LPP: variants seen among roughly 807,000 people sequenced by gnomAD.
LPP encodes lipoma-preferred partner.
LPP carries 38 observed loss-of-function variants against 60.4 expected under a neutral mutation model. The observed-to-expected ratio is 0.63, with a 90% CI of 0.49 to 0.83. The LOEUF is 0.83. LPP is among the 40% of genes least tolerant of loss of function. The pLI is 0.00. For missense variants in LPP, 902 were observed against 783.6 expected (o/e 1.15, Z -1.80); for synonymous variants, 328 against 290.8 (o/e 1.13, Z -1.30).
intron 6 of LPP, among the ~76,000 whole-genome samples, chr3:188,597,779 ATTATTGAAAAAACTGATTTCAATAATATG>A (rs1259662249): frequency 6.6e-6 from 1 of 152,180 alleles, no homozygotes; most frequent in Non-Finnish European, 1.5e-5. Flanking sequence ...CCAATAATAC[ATTATTGAAAAAACTGATTTCAATAATATG>A]TTATTGAAAA....
intron 6 of LPP, among the ~76,000 whole-genome samples, chr3:188,545,112 G>T (rs1441067177): frequency 2.0e-5 from 2 of 98,512 alleles, no homozygotes; most frequent in East Asian, 6.9e-4. Flanking sequence ...GGTGGGGTCG[G>T]GGGAGGGGGG....
At chr3:188,466,841 A>ATATAT (rs1560442091) in intron 4 of LPP, among the ~76,000 whole-genome samples, 3 of 138,186 alleles carry the variant, frequency 2.2e-5, no homozygotes, top group Admixed American at 7.2e-5. Flanking sequence ...ATATATATAT[A>ATATAT]TGCTGTGTAA....
At chr3:188,641,584 G>T (rs555037922) in intron 7 of LPP, among the ~76,000 whole-genome samples, 1 of 152,206 alleles carries the variant, frequency 6.6e-6, no homozygotes, top group East Asian at 1.9e-4. Context: ...TGGTCTAATC[G>T]GAGCAGCAGG....
intron 2 of LPP, among the ~76,000 whole-genome samples, chr3:188,295,650 G>A (rs1251410077): frequency 6.6e-6 from 1 of 151,974 alleles, no homozygotes; most frequent in East Asian, 1.9e-4. Context: ...CAATCCTCCC[G>A]CCTCAGCCTC....
intron 2 of LPP, among the ~76,000 whole-genome samples, chr3:188,228,274 A>G (rs1371018388): frequency 6.6e-6 from 1 of 152,202 alleles, no homozygotes; most frequent in Non-Finnish European, 1.5e-5. Flanking sequence ...GGACAGGGAC[A>G]GCATTGCTTG....
chr3:188,829,867 G>C (rs1402308638), intron 9 of LPP, among the ~76,000 whole-genome samples: 1 of 151,970 alleles, frequency 6.6e-6, no homozygotes, highest in African/African-American at 2.4e-5. Flanking sequence ...ACATGGGATA[G>C]TTTGAAGATT....
Position 188,885,299 on chromosome 3 carries a change from G to A in LPP, c.*10820G>A, listed in dbSNP as rs1218371378. ...TGTTTTATGCATTTCCCTCCCTGGAGTGTTATCATCCATCAAGCCAGTATC... is the reference window on the plus strand; with the variant it reads ...TGTTTTATGCATTTCCCTCCCTGGAATGTTATCATCCATCAAGCCAGTATC... On this transcript the variant is annotated 3_prime_UTR_variant, in exon 12 of 12. Transcript: ENST00000617246. The A allele has an allele frequency of 1.5e-5, 3 of 197,312 alleles. 1 individual carries two copies. Among genetic ancestry groups the A allele is most frequent in the South Asian group, 3.8e-4 (2 of 5,208 alleles). The allele number at this position is 197,312 out of a possible 1,614,324, so 12.2% of individuals were successfully genotyped here.
intron 7 of LPP, among the ~76,000 whole-genome samples, chr3:188,648,198 C>T (rs1481570124): frequency 1.3e-5 from 2 of 152,120 alleles, no homozygotes; most frequent in African/African-American, 2.4e-5. Flanking sequence ...TAAACTTTCA[C>T]TAAGTATTAC....
At chr3:188,155,297 T>C (rs1335382861) in intron 1 of LPP, among the ~76,000 whole-genome samples, 1 of 152,210 alleles carries the variant, frequency 6.6e-6, no homozygotes, top group East Asian at 1.9e-4. Flanking sequence ...GGGTCTTCTC[T>C]GGGGCTTTTG....
At chr3:188,593,664 G>A (rs1308040351) in intron 6 of LPP, among the ~76,000 whole-genome samples, 1 of 152,084 alleles carries the variant, frequency 6.6e-6, no homozygotes, top group Non-Finnish European at 1.5e-5. Flanking sequence ...TCATAGCTTA[G>A]CTCCCACATA....
At chr3:188,719,940 T>C (rs1236895290) in intron 8 of LPP, among the ~76,000 whole-genome samples, 1 of 152,218 alleles carries the variant, frequency 6.6e-6, no homozygotes, top group Non-Finnish European at 1.5e-5. Flanking sequence ...TGAGACGTAG[T>C]CTTGCTCCGT....
At chr3:188,368,959 C>T (rs1379003284) in intron 3 of LPP, among the ~76,000 whole-genome samples, 1 of 152,186 alleles carries the variant, frequency 6.6e-6, no homozygotes, top group Admixed American at 6.5e-5. Flanking sequence ...TTATTTCAGG[C>T]AGACAGATTC....
chr3:188,561,448 A>G (rs553663769), intron 6 of LPP, among the ~76,000 whole-genome samples: 2 of 152,152 alleles, frequency 1.3e-5, no homozygotes, highest in African/African-American at 4.8e-5. Flanking sequence ...ATACTTATTA[A>G]TCCACTGAGC....
intron 7 of LPP, among the ~76,000 whole-genome samples, chr3:188,683,360 A>G (rs1859950568): frequency 6.6e-6 from 1 of 151,800 alleles, no homozygotes; most frequent in Non-Finnish European, 1.5e-5. Context: ...ACATTGGAGA[A>G]CCCTATGTGC....
chr3:188,695,270 G>A (rs1560077343), intron 7 of LPP, among the ~76,000 whole-genome samples: 1 of 152,150 alleles, frequency 6.6e-6, no homozygotes, highest in African/African-American at 2.4e-5. Flanking sequence ...ATGGATAAAA[G>A]ATTCCTTCAA....
At chr3:188,762,879 T>A (rs1732855938) in intron 9 of LPP, among the ~76,000 whole-genome samples, 1 of 152,120 alleles carries the variant, frequency 6.6e-6, no homozygotes, top group Non-Finnish European at 1.5e-5. Flanking sequence ...CAGAATTCAG[T>A]TAAGCTTTAC....
intron 5 of LPP, among the ~76,000 whole-genome samples, chr3:188,507,493 ATAGT>A: frequency 6.6e-6 from 1 of 151,974 alleles, no homozygotes; most frequent in East Asian, 1.9e-4. Flanking sequence ...TGTAGTGAAA[ATAGT>A]TACTCAGTGA....
intron 4 of LPP, among the ~76,000 whole-genome samples, chr3:188,431,532 C>T (rs1445818160): frequency 1.3e-5 from 2 of 151,950 alleles, no homozygotes; most frequent in Non-Finnish European, 2.9e-5. Context: ...AGGGATGGTC[C>T]ATCAAAAAGG....
At chr3:188,205,277 CTTTTTTT>C (rs34713244) in intron 1 of LPP, among the ~76,000 whole-genome samples, 9 of 103,416 alleles carry the variant, frequency 8.7e-5, no homozygotes, top group South Asian at 3.3e-4. Flanking sequence ...AGATTATAAT[CTTTTTTT>C]TTTTTTTTTT....
Sources: allele counts gnomAD v4.1 joint callset (sites outside exome capture counted in the v4.1 genomes callset), GRCh38; gene constraint gnomAD v4.1.1; transcripts MANE v1.5; gene names NCBI Gene and HGNC (gene_info 2026-07-23, HGNC 2026-07-21).